SRPK2: variants seen among roughly 807,000 people sequenced by gnomAD.
SRPK2 encodes the protein SRSF protein kinase 2.
Under a neutral mutation model 90.8 loss-of-function variants are expected in SRPK2, and 21 were observed. The ratio of observed to expected loss-of-function variants is 0.23; its 90% CI spans 0.16 to 0.33. SRPK2 has a LOEUF of 0.33. SRPK2 is among the 10% of genes least tolerant of loss of function. The pLI, the probability that SRPK2 is intolerant of heterozygous loss-of-function variation, is 1.00. For synonymous variants in SRPK2, 288 were observed against 311.1 expected (o/e 0.93, Z 0.78); for missense variants, 620 against 869.0 (o/e 0.71, Z 3.60).
At chr7:105,252,094 A>T (rs1278865871) in intron 2 of SRPK2, among the ~76,000 whole-genome samples, 1 of 152,266 alleles carries the variant, frequency 6.6e-6, no homozygotes, top group East Asian at 1.9e-4. Context: ...CCAGGCAAGT[A>T]ATATGATGGC....
intron 2 of SRPK2, among the ~76,000 whole-genome samples, chr7:105,331,321 A>AT (rs1563248522): frequency 7.5e-6 from 1 of 132,554 alleles, no homozygotes; most frequent in African/African-American, 2.6e-5. Flanking sequence ...AAAAAAAAAA[A>AT]AAAAAAAAAA....
chr7:105,164,051 T>C (rs1451006129), intron 6 of SRPK2, among the ~76,000 whole-genome samples: 1 of 152,162 alleles, frequency 6.6e-6, no homozygotes, highest in Non-Finnish European at 1.5e-5. Flanking sequence ...TTCAAAGGAC[T>C]GTAACAGGAC....
intron 2 of SRPK2, among the ~76,000 whole-genome samples, chr7:105,379,233 A>G (rs1315112087): frequency 6.6e-6 from 1 of 151,946 alleles, no homozygotes; most frequent in Admixed American, 6.6e-5. Flanking sequence ...CATGAATCAA[A>G]AACAATCAAA....
intron 2 of SRPK2, among the ~76,000 whole-genome samples, chr7:105,356,666 A>T (rs1817817543): frequency 6.6e-6 from 1 of 152,210 alleles, no homozygotes; most frequent in South Asian, 2.1e-4. Flanking sequence ...CTCAGCTTAA[A>T]ATTAAGGCAA....
intron 2 of SRPK2, among the ~76,000 whole-genome samples, chr7:105,276,144 C>T (rs937278434): frequency 1.4e-4 from 21 of 151,692 alleles, no homozygotes; most frequent in African/African-American, 4.4e-4. Flanking sequence ...TGCAGTGGTG[C>T]AACGATAGCT....
chr7:105,265,961 A>C (rs1028181807), intron 2 of SRPK2, among the ~76,000 whole-genome samples: 1 of 152,186 alleles, frequency 6.6e-6, no homozygotes, highest in Admixed American at 6.6e-5. Context: ...AAACCAAAAA[A>C]TAAACTAACG....
chr7:105,287,078 G>A (rs1354696432), intron 2 of SRPK2, among the ~76,000 whole-genome samples: 7 of 150,776 alleles, frequency 4.6e-5, no homozygotes, highest in African/African-American at 9.8e-5. Flanking sequence ...CGGCTAAAAC[G>A]GTGAAACCCC....
At chr7:105,123,346 C>A (rs962682195) in intron 15 of SRPK2, among the ~76,000 whole-genome samples, 1 of 152,112 alleles carries the variant, frequency 6.6e-6, no homozygotes, top group Non-Finnish European at 1.5e-5. Context: ...AACACACAGA[C>A]CCCACTCTTC....
intron 15 of SRPK2, among the ~76,000 whole-genome samples, chr7:105,119,650 G>C (rs1800046286): frequency 6.6e-6 from 1 of 152,186 alleles, no homozygotes; most frequent in South Asian, 2.1e-4. Flanking sequence ...TGTAATATTA[G>C]AGGCGGGAAA....
At chr7:105,130,242 T>G (rs1801805302) in intron 13 of SRPK2, among the ~76,000 whole-genome samples, 1 of 152,138 alleles carries the variant, frequency 6.6e-6, no homozygotes, top group Admixed American at 6.5e-5. Context: ...TCTGTGAGAT[T>G]TGATGCTATT....
At chr7:105,264,293 G>A (rs762798472) in intron 2 of SRPK2, among the ~76,000 whole-genome samples, 12 of 151,698 alleles carry the variant, frequency 7.9e-5, no homozygotes, top group Non-Finnish European at 1.6e-4. Flanking sequence ...TCCACACATC[G>A]CTATGTATCA....
chr7:105,237,929 T>C (rs958574115), intron 2 of SRPK2, among the ~76,000 whole-genome samples: 13 of 151,922 alleles, frequency 8.6e-5, no homozygotes, highest in African/African-American at 3.1e-4. Flanking sequence ...AGCAGTAGAG[T>C]CTGACAGAGC....
intron 2 of SRPK2, among the ~76,000 whole-genome samples, chr7:105,370,056 G>A (rs1819527590): frequency 1.6e-5 from 1 of 63,256 alleles, no homozygotes; most frequent in Non-Finnish European, 3.5e-5. Flanking sequence ...CAACAAAAGT[G>A]ACCAAAGTAG....
At chr7:105,170,902 A>G (rs1398577297) in intron 3 of SRPK2, among the ~76,000 whole-genome samples, 78 of 101,284 alleles carry the variant, frequency 7.7e-4, no homozygotes, top group Admixed American at 1.2e-3. Context: ...AAAGAAAGAA[A>G]GAAAGAAAGA....
At chr7:105,202,092 C>T (rs577959647) in intron 3 of SRPK2, among the ~76,000 whole-genome samples, 37 of 112,374 alleles carry the variant, frequency 3.3e-4, no homozygotes, top group Middle Eastern at 0.011. Context: ...CAGACAAATG[C>T]TAAGTAAGAT....
chr7:105,322,355 T>A (rs1220311926), intron 2 of SRPK2, among the ~76,000 whole-genome samples: 1 of 152,132 alleles, frequency 6.6e-6, no homozygotes, highest in East Asian at 1.9e-4. Context: ...AGGTGGAGGC[T>A]GCAGTGCACC....
chr7:105,310,140 A>G (rs1811548679), intron 2 of SRPK2, among the ~76,000 whole-genome samples: 1 of 152,204 alleles, frequency 6.6e-6, no homozygotes, highest in African/African-American at 2.4e-5. Context: ...ACAAAGGTGT[A>G]AGGCTAGGGA....
chr7:105,388,512 A>T, intron 2 of SRPK2, 136 bp downstream of exon 2: 1 of 448,300 alleles, frequency 2.2e-6, no homozygotes, highest in Non-Finnish European at 3.3e-6. Context: ...CGCCGGGGGC[A>T]GGAGCCGAGC....
chr7:105,117,053 T>C lies in SRPK2; in HGVS notation c.*785A>G, dbSNP rs1453145715. ...AAGGGAAATTGCTCTTCTTTAAAAG[T>C]ACTTTTAAAAATATGCAAAATCACA... is the stretch of plus-strand genomic sequence containing the variant. On this transcript the variant is annotated 3_prime_UTR_variant, in exon 16 of 16. Transcript: ENST00000393651. 1 of 152,252 alleles carries C rather than the reference T, an allele frequency of 6.6e-6. No homozygotes were observed. Among genetic ancestry groups the C allele is most frequent in the Non-Finnish European group, 1.5e-5 (1 of 68,050 alleles). 9.4% of individuals were successfully genotyped at this position (152,252 alleles called of 1,614,324 possible).
Sources: allele counts gnomAD v4.1 joint callset (sites outside exome capture counted in the v4.1 genomes callset), GRCh38; gene constraint gnomAD v4.1.1; transcripts MANE v1.5; gene names NCBI Gene and HGNC (gene_info 2026-07-23, HGNC 2026-07-21).